NSUN6: variants seen among roughly 807,000 people sequenced by gnomAD.
The protein encoded by NSUN6 is tRNA (cytosine(72)-C(5))-methyltransferase NSUN6.
In NSUN6, 64 loss-of-function variants were observed where a neutral mutation model predicts 58.0. The ratio of observed to expected loss-of-function variants is 1.10; its 90% CI spans 0.90 to 1.36. The LOEUF is 1.36. Among genes scored for constraint, NSUN6 ranks in the 40% most tolerant of loss-of-function variants. NSUN6 has a pLI of 0.00. For synonymous variants in NSUN6, 231 were observed against 193.9 expected (o/e 1.19, Z -1.59); for missense variants, 701 against 550.1 (o/e 1.27, Z -2.74).
intron 7 of NSUN6, among the ~76,000 whole-genome samples, chr10:18,593,594 A>G (rs921674133): frequency 3.3e-5 from 5 of 152,152 alleles, no homozygotes; most frequent in Non-Finnish European, 7.3e-5. Context: ...ATTCTCAGCA[A>G]ACTAACACAG....
rs528745149 is a variant in NSUN6, at chr10:18,591,726, T to C, written c.777+4482A>G. On this transcript the variant is annotated intron_variant, in intron 7 of 10. Coordinates refer to ENST00000377304, the MANE Select transcript of NSUN6 (RefSeq NM_182543.5). ...GTATTGATGGAACATCTCAAAATAA[T>C]GAGAGCTATTTGTGACAAACCCGTA... Among the ~76,000 whole-genome samples, 3 of 152,250 alleles carry C rather than the reference T, an allele frequency of 2.0e-5. No individual in the cohort carries two copies. In the East Asian group the frequency reaches 5.8e-4, roughly 29 times the overall value.
At chr10:18,583,544 T>C (rs2056997796) in intron 8 of NSUN6, among the ~76,000 whole-genome samples, 1 of 152,200 alleles carries the variant, frequency 6.6e-6, no homozygotes, top group Admixed American at 6.5e-5. Context: ...TGAGAGAGTT[T>C]AGCTGCCAGA....
At chr10:18,646,237 T>C (rs752342145) in intron 2 of NSUN6, among the ~76,000 whole-genome samples, 6 of 152,172 alleles carry the variant, frequency 3.9e-5, no homozygotes, top group Non-Finnish European at 7.3e-5. Flanking sequence ...TGCACAGATA[T>C]TGGGGAGAAA....
At chr10:18,615,529 A>C (rs1390176733) in intron 4 of NSUN6, among the ~76,000 whole-genome samples, 1 of 152,224 alleles carries the variant, frequency 6.6e-6, no homozygotes, top group East Asian at 1.9e-4. Flanking sequence ...ACATTTTAAA[A>C]AGGAAAAAAC....
Position 18,551,899 on chromosome 10 carries a change from C to G in NSUN6, c.995G>C (p.Arg332Thr). 6.2e-7 allele frequency: 1 copy of G among 1,612,884 alleles called. No homozygotes were observed. Among genetic ancestry groups the G allele is most frequent in the South Asian group, 1.1e-5 (1 of 90,970 alleles). Residue 332 changes from arginine to threonine, a missense_variant, in exon 9 of 11, where the codon AGA becomes ACA. Arg to Thr is a moderately conservative substitution (Grantham distance 71). Transcript: ENST00000377304. The part of the protein sequence containing the change: ...LDAPCSGMGQ[R>T]PNMACTWSVK... Reference sequence around the variant, plus strand: ...AGACCAAGTACAGGCCATGTTTGGTCTCTGTCCCATTCCACTACAGGGTGC... The same window carrying G: ...AGACCAAGTACAGGCCATGTTTGGTGTCTGTCCCATTCCACTACAGGGTGC...
chr10:18,562,566 T>A (rs2055602284), intron 8 of NSUN6, among the ~76,000 whole-genome samples: 1 of 145,736 alleles, frequency 6.9e-6, no homozygotes, highest in South Asian at 2.1e-4. Flanking sequence ...GAGAATGGAG[T>A]GGAATAGAGA....
chr10:18,620,595 C>A (rs1168017785), intron 3 of NSUN6, among the ~76,000 whole-genome samples: 4 of 152,202 alleles, frequency 2.6e-5, no homozygotes, highest in African/African-American at 7.2e-5. Flanking sequence ...CTTCTCTCTG[C>A]CTAGCATAAC....
chr10:18,649,627 CAA>C (rs1267244250), intron 1 of NSUN6, among the ~76,000 whole-genome samples: 49 of 96,146 alleles, frequency 5.1e-4, no homozygotes, highest in Admixed American at 5.9e-4. Context: ...GACCCTGTCT[CAA>C]AAAAAAAAAA....
At chr10:18,552,780 C>A (rs2054690666) in intron 8 of NSUN6, among the ~76,000 whole-genome samples, 1 of 151,312 alleles carries the variant, frequency 6.6e-6, no homozygotes, top group Non-Finnish European at 1.5e-5. Flanking sequence ...CCATTTGATT[C>A]TCCATTCCAT....
intron 8 of NSUN6, among the ~76,000 whole-genome samples, chr10:18,576,929 A>G (rs2056679121): frequency 6.6e-6 from 1 of 152,150 alleles, no homozygotes; most frequent in African/African-American, 2.4e-5. Flanking sequence ...GAAGCCCCTT[A>G]TGGGTCCTTC....
At chr10:18,568,063 C>A (rs1274438884) in intron 8 of NSUN6, among the ~76,000 whole-genome samples, 1 of 150,912 alleles carries the variant, frequency 6.6e-6, no homozygotes, top group East Asian at 2.0e-4. Context: ...TCTCCATTTT[C>A]CGTTCCATTC....
intron 6 of NSUN6, among the ~76,000 whole-genome samples, chr10:18,605,998 T>G (rs2058034938): frequency 6.6e-6 from 1 of 152,024 alleles, no homozygotes; most frequent in Admixed American, 6.6e-5. Context: ...GATTGCTGGA[T>G]CAGAGATAGA....
intron 3 of NSUN6, among the ~76,000 whole-genome samples, chr10:18,632,271 C>T (rs1340743435): frequency 6.7e-6 from 1 of 150,150 alleles, no homozygotes; most frequent in Admixed American, 6.7e-5. Context: ...GGATTAAAGA[C>T]TTAAACGTTA....
chr10:18,619,835 A>T (rs564738190), intron 3 of NSUN6, among the ~76,000 whole-genome samples: 2 of 152,332 alleles, frequency 1.3e-5, no homozygotes, highest in African/African-American at 4.8e-5. Flanking sequence ...TCAAGTTTTT[A>T]TATCATTTGA....
chr10:18,578,223 C>G (rs188268275), intron 8 of NSUN6, among the ~76,000 whole-genome samples: 29 of 139,490 alleles, frequency 2.1e-4, no homozygotes, highest in African/African-American at 6.8e-4. Context: ...AGCCTCTTCT[C>G]TAAGCCTATT....
chr10:18,639,928 A>T (rs1240544280), intron 3 of NSUN6, among the ~76,000 whole-genome samples: 4 of 152,212 alleles, frequency 2.6e-5, no homozygotes, highest in African/African-American at 7.2e-5. Context: ...ATTCTGTGTC[A>T]TATCAGTTTG....
rs185027344 is a variant in NSUN6, at chr10:18,547,507, G to A, written c.1197+605C>T. ...ATGCTCAATGTATCTGAATGTATGCGAGCATTATTACAGATTTAAACTTAA... is the reference window on the plus strand; with the variant it reads ...ATGCTCAATGTATCTGAATGTATGCAAGCATTATTACAGATTTAAACTTAA... On this transcript the variant is annotated intron_variant, in intron 10 of 10. Coordinates refer to ENST00000377304, the MANE Select transcript of NSUN6 (RefSeq NM_182543.5). 1.9e-3 allele frequency among the ~76,000 whole-genome samples: 285 copies of A among 152,148 alleles called. 2 individuals carry two copies. Among genetic ancestry groups the A allele is most frequent in the African/African-American group, 6.6e-3 (275 of 41,516 alleles).
upstream of NSUN6, among the ~76,000 whole-genome samples, chr10:18,654,247 C>T (rs2059754035): frequency 6.6e-6 from 1 of 151,616 alleles, no homozygotes; most frequent in South Asian, 2.1e-4. Context: ...AGGTGCCTGC[C>T]ACCATGCCCA....
chr10:18,609,010 G>A (rs1162328179), intron 6 of NSUN6, among the ~76,000 whole-genome samples: 1 of 152,070 alleles, frequency 6.6e-6, no homozygotes, highest in East Asian at 1.9e-4. Flanking sequence ...ATGTCTGTGG[G>A]CTAAATACTG....
Sources: gnomAD v4.1 joint callset for allele counts (sites outside exome capture counted in the v4.1 genomes callset) on GRCh38, gnomAD v4.1.1 for gene constraint, MANE v1.5 for transcripts, NCBI Gene and HGNC (gene_info 2026-07-23, HGNC 2026-07-21) for gene names.